Variants in ADGRA3 observed in about 807,000 individuals in gnomAD.
ADGRA3 encodes G-protein coupled receptor 125.
A neutral mutation model predicts 119.8 loss-of-function variants in ADGRA3; 56 were observed. The ratio of observed to expected loss-of-function variants is 0.47; its 90% CI spans 0.38 to 0.58. ADGRA3 has a LOEUF of 0.58. ADGRA3 is among the 20% of genes least tolerant of loss of function. The pLI is 0.00. For synonymous variants in ADGRA3, 607 were observed against 623.8 expected, an observed-to-expected ratio of 0.97 and a Z score of 0.40; for missense variants, 1,516 against 1,649.0, an observed-to-expected ratio of 0.92 and a Z score of 1.40.
chr4:22,430,479 CT>C (rs1166645307), intron 10 of ADGRA3, among the ~76,000 whole-genome samples: 5 of 152,132 alleles, frequency 3.3e-5, no homozygotes, highest in Admixed American at 3.3e-4. Context: ...CATTCTGCCC[CT>C]GCTCTAGAGA....
At chr4:22,504,065 T>C (rs541655356) in intron 1 of ADGRA3, among the ~76,000 whole-genome samples, 37 of 152,118 alleles carry the variant, frequency 2.4e-4, no homozygotes, top group Non-Finnish European at 4.9e-4. Flanking sequence ...CTAAATAGAA[T>C]GAAGCCTAAA....
chr4:22,462,277 C>T (rs1437538556), intron 2 of ADGRA3, among the ~76,000 whole-genome samples: 6 of 151,918 alleles, frequency 3.9e-5, no homozygotes, highest in Non-Finnish European at 7.4e-5. Flanking sequence ...CCTTCCCTGG[C>T]CTTCTATATT....
chr4:22,415,970 A>G (rs1175324256), intron 12 of ADGRA3, among the ~76,000 whole-genome samples: 1 of 152,212 alleles, frequency 6.6e-6, no homozygotes, highest in Non-Finnish European at 1.5e-5. Flanking sequence ...TTACTAAATA[A>G]TAACTGCAGG....
At chr4:22,482,354 TCAC>T (rs1017879888) in intron 1 of ADGRA3, among the ~76,000 whole-genome samples, 20 of 152,140 alleles carry the variant, frequency 1.3e-4, no homozygotes, top group African/African-American at 4.3e-4. Flanking sequence ...CAATCATTCT[TCAC>T]CAGCACCCTG....
At chr4:22,451,885 C>T (rs1053064782) in intron 4 of ADGRA3, among the ~76,000 whole-genome samples, 15 of 152,252 alleles carry the variant, frequency 9.9e-5, no homozygotes, top group African/African-American at 3.4e-4. Context: ...TGCTCCATTC[C>T]TAATCATATT....
intron 16 of ADGRA3, among the ~76,000 whole-genome samples, chr4:22,401,121 T>C (rs1237713796): frequency 6.6e-6 from 1 of 152,184 alleles, no homozygotes; most frequent in Admixed American, 6.5e-5. Flanking sequence ...AAAATGTCAC[T>C]TCTCTTTCAG....
At chr4:22,434,806 T>C (rs1212440264) in intron 10 of ADGRA3, among the ~76,000 whole-genome samples, 1 of 152,218 alleles carries the variant, frequency 6.6e-6, no homozygotes, top group African/African-American at 2.4e-5. Context: ...ACGCCACTTT[T>C]AGAATTCACT....
At chr4:22,507,688 C>T (rs1001807175) in intron 1 of ADGRA3, among the ~76,000 whole-genome samples, 1 of 152,136 alleles carries the variant, frequency 6.6e-6, no homozygotes, top group South Asian at 2.1e-4. Flanking sequence ...GGGTGATAAG[C>T]AACCCTGTCA....
intron 2 of ADGRA3, among the ~76,000 whole-genome samples, chr4:22,463,189 T>C (rs151146829): frequency 6.0e-4 from 91 of 152,348 alleles, no homozygotes; most frequent in African/African-American, 2.2e-3. Context: ...CCATTCTTTA[T>C]ACAGCCACGT....
chr4:22,468,285 G>A (rs1189405575), intron 2 of ADGRA3, among the ~76,000 whole-genome samples: 1 of 152,194 alleles, frequency 6.6e-6, no homozygotes, highest in African/African-American at 2.4e-5. Flanking sequence ...GACAGACTCT[G>A]TCAATAGCTG....
At chr4:22,465,635 T>C (rs1413527136) in intron 2 of ADGRA3, among the ~76,000 whole-genome samples, 2 of 152,140 alleles carry the variant, frequency 1.3e-5, no homozygotes, top group African/African-American at 4.8e-5. Context: ...TAAGACCTTA[T>C]AATCACCCTA....
At chr4:22,402,606 A>C in intron 15 of ADGRA3, 69 bp downstream of exon 15, 1 of 1,515,002 alleles carries the variant, frequency 6.6e-7, no homozygotes, top group Non-Finnish European at 9.0e-7. Context: ...ATTTTATCCT[A>C]ATTAAATGTG....
At chr4:22,506,665 C>T (rs1311601853) in intron 1 of ADGRA3, among the ~76,000 whole-genome samples, 1 of 152,082 alleles carries the variant, frequency 6.6e-6, no homozygotes, top group Non-Finnish European at 1.5e-5. Context: ...GAGGCACCTA[C>T]CTCATCTCTG....
Position 22,436,717 on chromosome 4 carries a change from A to G in ADGRA3, c.1086-76T>C, listed in dbSNP as rs1418238894. 6 of 1,288,886 alleles carry G rather than the reference A, an allele frequency of 4.7e-6. No individual in the cohort carries two copies. In the East Asian group the frequency reaches 1.2e-4, roughly 26 times the overall value. The allele number at this position is 1,288,886 out of a possible 1,614,324, so 79.8% of individuals were successfully genotyped here. ...TCAAGAATAACAACAGCAGAGAAAA[A>G]AATCAAAGATGAAGATGTGTCATGT... On this transcript the variant is annotated intron_variant, in intron 8 of 18. Transcript: ENST00000334304.
intron 7 of ADGRA3, among the ~76,000 whole-genome samples, chr4:22,441,453 C>G (rs1203990296): frequency 6.6e-6 from 1 of 152,144 alleles, no homozygotes; most frequent in Non-Finnish European, 1.5e-5. Context: ...ATATTTTAGG[C>G]TTTGCTGGCT....
Position 22,424,183 on chromosome 4 carries a change from A to G in ADGRA3, c.1605+8T>C, listed in dbSNP as rs954380615. The G allele has an allele frequency of 1.2e-6, 2 of 1,604,786 alleles. No individual in the cohort carries two copies. Among genetic ancestry groups the G allele is most frequent in the African/African-American group, 2.7e-5 (2 of 74,768 alleles). ...TTTCTCAGGAGTCTATGATAATGTTACACTTACTGTTGAATAAACGTGAGC... is the reference window on the plus strand; with the variant it reads ...TTTCTCAGGAGTCTATGATAATGTTGCACTTACTGTTGAATAAACGTGAGC... On this transcript the variant is annotated splice_region_variant and intron_variant, in intron 11 of 18. Coordinates refer to ENST00000334304, the MANE Select transcript of ADGRA3 (RefSeq NM_145290.4).
chr4:22,398,349 T>C (rs1714457448), intron 16 of ADGRA3, among the ~76,000 whole-genome samples: 2 of 152,174 alleles, frequency 1.3e-5, no homozygotes, highest in Non-Finnish European at 2.9e-5. Context: ...AGCCACAGTA[T>C]CATCTCACAG....
At chr4:22,442,526 G>A (rs1342417093) in intron 7 of ADGRA3, 124 bp downstream of exon 7, 8 of 598,104 alleles carry the variant, frequency 1.3e-5, no homozygotes, top group Non-Finnish European at 2.0e-5. Flanking sequence ...AATGCCAGAT[G>A]TTTGCATTTT....
chr4:22,481,171 G>A (rs1181988505), intron 1 of ADGRA3, among the ~76,000 whole-genome samples: 2 of 152,120 alleles, frequency 1.3e-5, no homozygotes, highest in African/African-American at 2.4e-5. Flanking sequence ...TGTTTATCAA[G>A]TACAAGAAAA....
Sources: allele counts gnomAD v4.1 joint callset (sites outside exome capture counted in the v4.1 genomes callset), GRCh38; gene constraint gnomAD v4.1.1; transcripts MANE v1.5; gene names NCBI Gene and HGNC (gene_info 2026-07-23, HGNC 2026-07-21).